The following SHANK2 variants were observed in gnomAD, a reference collection of about 807,000 sequenced individuals.
SHANK2 encodes SH3 and multiple ankyrin repeat domains protein 2.
SHANK2 carries 43 observed loss-of-function variants against 133.7 expected under a neutral mutation model. The ratio of observed to expected loss-of-function variants is 0.32; its 90% CI spans 0.25 to 0.41. SHANK2 has a LOEUF of 0.41. Ranked by LOEUF, SHANK2 falls within the 10% of genes least tolerant of loss-of-function variation. The pLI is 1.00. For synonymous variants in SHANK2, 1,017 were observed against 952.8 expected (o/e 1.07, Z -1.24); for missense variants, 1,994 against 2,235.8 (o/e 0.89, Z 2.18).
intron 17 of SHANK2, among the ~76,000 whole-genome samples, chr11:70,627,481 G>A (rs1292566254): frequency 6.6e-6 from 1 of 152,208 alleles, no homozygotes; most frequent in Non-Finnish European, 1.5e-5. Context: ...TGGCAACCTG[G>A]AGATTATTTG....
At chr11:70,840,313 C>T (rs1948883488) in intron 11 of SHANK2, among the ~76,000 whole-genome samples, 2 of 152,306 alleles carry the variant, frequency 1.3e-5, no homozygotes, top group South Asian at 4.1e-4. Flanking sequence ...GCAGAGATGC[C>T]CAAGGGCAGG....
At chr11:71,248,977 A>AT (rs1284551541) in intron 1 of SHANK2, among the ~76,000 whole-genome samples, 1 of 152,160 alleles carries the variant, frequency 6.6e-6, no homozygotes, top group Non-Finnish European at 1.5e-5. Flanking sequence ...CCAGGCTTGG[A>AT]TGTGGCAGCA....
intron 17 of SHANK2, among the ~76,000 whole-genome samples, chr11:70,658,264 GACACACACACACAC>G (rs1208417379): frequency 1.0e-5 from 1 of 99,236 alleles, no homozygotes; most frequent in Non-Finnish European, 2.0e-5. Context: ...CACACACACA[GACACACACACACAC>G]ACAGACACAC....
chr11:70,522,655 G>A (rs868953190), intron 17 of SHANK2, among the ~76,000 whole-genome samples: 15 of 152,218 alleles, frequency 9.9e-5, no homozygotes, highest in Non-Finnish European at 2.9e-5. Context: ...CCAGCTCCGC[G>A]GGCTGGCCGG....
chr11:70,502,807 G>A lies in SHANK2; in HGVS notation c.2186C>T (p.Ala729Val), dbSNP rs1555159125. Residue 729 changes from alanine to valine, a missense_variant, in exon 18 of 26, where the codon GCC becomes GTC. This residue lies in a region of SHANK2 where 488 missense variants were observed against 642.6 expected (regional missense o/e 0.76). Coordinates refer to ENST00000601538, the MANE Select transcript of SHANK2 (RefSeq NM_012309.5). ...TGTGGGGCATGTACCTTTCTTCCTG[G>A]CGGTGTCGTCGGGGTCCAGATTCCT... Reference protein sequence around the residue: ...VTRNLDPDDTARKKAPPPPKR... With the variant: ...VTRNLDPDDTVRKKAPPPPKR... 6.2e-7 allele frequency: 1 copy of A among 1,605,328 alleles called. No individual in the cohort carries two copies. The highest frequency in any genetic ancestry group is 1.4e-5 in the African/African-American group (1 of 72,306).
chr11:70,761,922 GCTGCT>G (rs1947006034), intron 14 of SHANK2, among the ~76,000 whole-genome samples: 1 of 151,892 alleles, frequency 6.6e-6, no homozygotes, highest in Non-Finnish European at 1.5e-5. Context: ...GTTCCCGGCT[GCTGCT>G]GCTGCTGCTG....
chr11:71,138,502 C>T (rs782106816), intron 3 of SHANK2, among the ~76,000 whole-genome samples: 6 of 152,264 alleles, frequency 3.9e-5, no homozygotes, highest in Non-Finnish European at 5.9e-5. Context: ...AATAAGCAGA[C>T]GGGCCAAGGC....
At position 70,844,722 on chromosome 11, in the gene SHANK2, C is replaced by T. The variant is rs554434281; in HGVS notation, c.1175-24040G>A. 4.6e-5 allele frequency among the ~76,000 whole-genome samples: 7 copies of T among 152,260 alleles called. No homozygotes were observed. In the South Asian group the frequency reaches 6.2e-4, roughly 14 times the overall value. On this transcript the variant is annotated intron_variant, in intron 11 of 25. Transcript: ENST00000601538. Reference sequence around the variant, plus strand: ...ACTTTCCCCATGATCAATAACACGGCGGAGAACATTTTCACGCAGGTGGCA... The same window carrying T: ...ACTTTCCCCATGATCAATAACACGGTGGAGAACATTTTCACGCAGGTGGCA...
chr11:70,832,461 G>A (rs1948739701), intron 11 of SHANK2, among the ~76,000 whole-genome samples: 1 of 152,230 alleles, frequency 6.6e-6, no homozygotes, highest in African/African-American at 2.4e-5. Flanking sequence ...GGGGCATGTT[G>A]TGGAGCCAGG....
chr11:70,743,911 A>G (rs1242723155), intron 14 of SHANK2, among the ~76,000 whole-genome samples: 1 of 151,964 alleles, frequency 6.6e-6, no homozygotes, highest in Non-Finnish European at 1.5e-5. Flanking sequence ...GCCCTGCCAA[A>G]CCCTCAGGGT....
intron 11 of SHANK2, among the ~76,000 whole-genome samples, chr11:70,866,296 C>A (rs917762397): frequency 1.3e-5 from 2 of 152,040 alleles, no homozygotes; most frequent in East Asian, 1.9e-4. Context: ...TCGCACCCCG[C>A]GGCACCAAAT....
rs1194412693 is a variant in SHANK2, at chr11:70,739,265, G to A, written c.1778-40502C>T. The stretch of plus-strand genomic sequence containing the variant: ...CACAAAGCCCAGACGCAGACCCGGG[G>A]CATCTCCCATCTCCACCCATCTCCA... On this transcript the variant is annotated intron_variant, in intron 14 of 25. Coordinates refer to ENST00000601538, the MANE Select transcript of SHANK2 (RefSeq NM_012309.5). The surrounding 1 kb of genome is among the most constrained non-coding windows in gnomAD (Gnocchi z 4.3). 6.6e-6 allele frequency among the ~76,000 whole-genome samples: 1 copy of A among 152,120 alleles called. No individual in the cohort carries two copies. The highest frequency in any genetic ancestry group is 1.5e-5 in the Non-Finnish European group (1 of 68,018).
intron 8 of SHANK2, among the ~76,000 whole-genome samples, chr11:71,090,548 G>A (rs1304067445): frequency 5.4e-5 from 2 of 36,898 alleles, no homozygotes; most frequent in African/African-American, 2.7e-4. Context: ...CTCTGTGTGT[G>A]TGTGTGTGTG....
chr11:71,151,546 C>T (rs1316592876), intron 2 of SHANK2, among the ~76,000 whole-genome samples: 1 of 152,220 alleles, frequency 6.6e-6, no homozygotes, highest in Admixed American at 6.5e-5. Context: ...GGTTGGAAAG[C>T]AGTGCAGGCA....
intron 2 of SHANK2, among the ~76,000 whole-genome samples, chr11:71,149,613 G>A (rs1363999127): frequency 6.6e-6 from 1 of 151,774 alleles, no homozygotes; most frequent in Non-Finnish European, 1.5e-5. Context: ...AGAGAGGAGG[G>A]TAGTAGGAAA....
chr11:71,240,684 C>G (rs1166986536), intron 1 of SHANK2: 3 of 152,232 alleles, frequency 2.0e-5, no homozygotes, highest in Non-Finnish European at 4.4e-5. Context: ...AATACCAACA[C>G]TTTGGGAGGC....
intron 12 of SHANK2, among the ~76,000 whole-genome samples, chr11:70,808,190 A>G (rs1380053737): frequency 6.6e-5 from 10 of 151,992 alleles, no homozygotes; most frequent in African/African-American, 2.4e-4. Context: ...CTATTTCTCC[A>G]CTATTTTACT....
chr11:70,880,832 T>C (rs1465559548), intron 11 of SHANK2, among the ~76,000 whole-genome samples: 2 of 152,198 alleles, frequency 1.3e-5, no homozygotes, highest in Non-Finnish European at 1.5e-5. Flanking sequence ...CCTGAGAGGA[T>C]AGAGCTCCCA....
intron 17 of SHANK2, among the ~76,000 whole-genome samples, chr11:70,624,112 AG>A (rs1294931197): frequency 6.6e-6 from 1 of 151,784 alleles, no homozygotes; most frequent in African/African-American, 2.4e-5. Context: ...TCCCTAGGGG[AG>A]GGGTGGGCCC....
Sources: allele counts gnomAD v4.1 joint callset (sites outside exome capture counted in the v4.1 genomes callset), GRCh38; gene constraint gnomAD v4.1.1; regional missense constraint gnomAD v4.1.1; non-coding constraint Gnocchi (gnomAD v3.1); transcripts MANE v1.5; gene names NCBI Gene and HGNC (gene_info 2026-07-23, HGNC 2026-07-21).